TCF25: variants seen among roughly 807,000 people sequenced by gnomAD.
The protein encoded by TCF25 is ribosome quality control complex subunit TCF25.
In TCF25, 41 loss-of-function variants were observed where a neutral mutation model predicts 83.1. That is an observed-to-expected ratio of 0.49 (90% CI 0.38 to 0.64). The LOEUF (loss-of-function observed/expected upper bound fraction) is 0.64, where lower values mean the gene tolerates loss of function less well. Ranked by LOEUF, TCF25 falls within the 30% of genes least tolerant of loss-of-function variation. The probability of loss-of-function intolerance (pLI) is 0.00; values close to 1 mark genes in which losing one functional copy is unlikely to be tolerated. For missense variants in TCF25, 979 were observed against 914.5 expected (o/e 1.07, Z -0.91); for synonymous variants, 458 against 365.0 (o/e 1.25, Z -2.90).
chr16:89,908,798 CCAGCTCCCACCTCG>C (rs1292133482), intron 16 of TCF25, among the ~76,000 whole-genome samples: 11 of 140,008 alleles, frequency 7.9e-5, no homozygotes, highest in African/African-American at 2.5e-4. Flanking sequence ...TTTCCACCTC[CCAGCTCCCACCTCG>C]CAGCTCCCAG....
At position 89,885,097 on chromosome 16, in the gene TCF25, CCTGACG is replaced by C. The variant is rs1373532792; in HGVS notation, c.429+443_429+448del. On this transcript the variant is annotated intron_variant, in intron 3 of 17. Coordinates refer to ENST00000263346, the MANE Select transcript of TCF25 (RefSeq NM_014972.3). The stretch of plus-strand genomic sequence containing the variant: ...CTCTGCCTGACGCCCTCTCCCTCTG[CCTGACG>C]CCCTCTCCCTCTGCCTGACGCTCTC... 4.5e-4 allele frequency among the ~76,000 whole-genome samples: 67 copies of C among 147,566 alleles called. 1 individual carries two copies. Among genetic ancestry groups the C allele is most frequent in the Middle Eastern group, 7.1e-3 (2 of 280 alleles).
chr16:89,878,701 C>A (rs575493721), intron 1 of TCF25: 112 of 1,008,314 alleles, frequency 1.1e-4, no homozygotes, highest in Non-Finnish European at 1.3e-4. Flanking sequence ...AGTGCAGTGG[C>A]ACCATCTCAG....
At chr16:89,876,402 G>A (rs913917367) in intron 1 of TCF25, among the ~76,000 whole-genome samples, 3 of 152,168 alleles carry the variant, frequency 2.0e-5, no homozygotes, top group Non-Finnish European at 4.4e-5. Flanking sequence ...TGAATGCATT[G>A]GTGAGAGACA....
At chr16:89,896,491 T>A (rs1489028912) in intron 9 of TCF25, among the ~76,000 whole-genome samples, 2 of 151,844 alleles carry the variant, frequency 1.3e-5, no homozygotes, top group Non-Finnish European at 2.9e-5. Context: ...GAGGGTTGCT[T>A]GAGCCCAGGT....
intron 9 of TCF25, among the ~76,000 whole-genome samples, chr16:89,898,093 A>G (rs2044005485): frequency 1.3e-5 from 2 of 151,306 alleles, no homozygotes; most frequent in Admixed American, 1.3e-4. Context: ...TGGGTGACAG[A>G]GCGAGACTCC....
intron 1 of TCF25, among the ~76,000 whole-genome samples, chr16:89,880,055 G>T (rs1456214642): frequency 6.6e-6 from 1 of 150,976 alleles, no homozygotes; most frequent in African/African-American, 2.4e-5. Context: ...ACACAGATGG[G>T]CTTCAGAGCC....
At chr16:89,894,874 A>G in intron 7 of TCF25, 164 bp from the exon 8 acceptor site, 1 of 534,472 alleles carries the variant, frequency 1.9e-6, no homozygotes, top group South Asian at 2.1e-5. Flanking sequence ...TGAACTCCTG[A>G]TATCAAGTGA....
chr16:89,904,786 G>A (rs1384984217), intron 13 of TCF25, 152 bp from the exon 14 acceptor site: 7 of 904,790 alleles, frequency 7.7e-6, no homozygotes, highest in Non-Finnish European at 1.1e-5. Context: ...CCAGCCCCAC[G>A]CCCTCAGGCC....
intron 11 of TCF25, among the ~76,000 whole-genome samples, 158 bp downstream of exon 11, chr16:89,899,030 C>T (rs1486174672): frequency 2.0e-5 from 3 of 152,218 alleles, no homozygotes; most frequent in African/African-American, 7.2e-5. Flanking sequence ...GTCTCCCTTG[C>T]CGCCTCTACG....
intron 17 of TCF25, 88 bp from the exon 18 acceptor site, chr16:89,910,992 T>A: frequency 6.4e-7 from 1 of 1,553,642 alleles, no homozygotes; most frequent in Non-Finnish European, 8.7e-7. Flanking sequence ...AAGGGCCACC[T>A]CGGGCTCCAC....
At chr16:89,899,013 C>T in intron 11 of TCF25, 141 bp downstream of exon 11, 1 of 799,886 alleles carries the variant, frequency 1.3e-6, no homozygotes, top group Non-Finnish European at 2.0e-6. Context: ...GTCCTCCTGC[C>T]TTGTTTGTCT....
chr16:89,873,776 G>A lies in TCF25; in HGVS notation c.109G>A (p.Glu37Lys). 6.2e-7 allele frequency: 1 copy of A among 1,610,360 alleles called. No homozygotes were observed. Among genetic ancestry groups the A allele is most frequent in the South Asian group, 1.1e-5 (1 of 90,674 alleles). ...CCGTGATGACGATGACGCGGAAGAA[G>A]AAGGGCCCAAGCGGGAGCTTGGTGT... ...DLRDDDDAEE[E>K]GPKRELGVRR... Residue 37 changes from glutamate (E) to lysine (K), a missense_variant, in exon 1 of 18, where the codon GAA becomes AAA. Physicochemically the swap from Glu to Lys is moderately conservative, Grantham distance 56. Transcript: ENST00000263346.
intron 15 of TCF25, 158 bp downstream of exon 15, chr16:89,906,442 C>T: frequency 1.5e-6 from 1 of 646,892 alleles, no homozygotes; most frequent in Non-Finnish European, 2.7e-6. Context: ...AGGGCTCCTC[C>T]TTTCCTGGCA....
At chr16:89,881,181 A>G (rs1281782553) in intron 1 of TCF25, among the ~76,000 whole-genome samples, 2 of 152,154 alleles carry the variant, frequency 1.3e-5, no homozygotes, top group African/African-American at 2.4e-5. Flanking sequence ...ACCGGCAAGC[A>G]CAGACCTGCC....
At chr16:89,908,175 T>C (rs1204689807) in intron 16 of TCF25, among the ~76,000 whole-genome samples, 292 of 64,480 alleles carry the variant, frequency 4.5e-3, no homozygotes, top group Middle Eastern at 0.042. Flanking sequence ...GCTCCCACCT[T>C]CCAGCTCCCG....
chr16:89,906,806 C>T (rs1237214828), intron 15 of TCF25, among the ~76,000 whole-genome samples: 1 of 152,146 alleles, frequency 6.6e-6, no homozygotes, highest in Non-Finnish European at 1.5e-5. Context: ...ACCGGCATGG[C>T]TGGCTTTGTC....
intron 1 of TCF25, chr16:89,874,918 GC>G (rs2042060525): frequency 6.6e-6 from 1 of 152,108 alleles, no homozygotes; most frequent in Non-Finnish European, 1.5e-5. Context: ...TTGGTTGACT[GC>G]CCTTCTCGCA....
intron 1 of TCF25, among the ~76,000 whole-genome samples, chr16:89,881,136 C>G (rs2042576069): frequency 6.6e-6 from 1 of 152,188 alleles, no homozygotes; most frequent in South Asian, 2.1e-4. Context: ...GTATCCTTGT[C>G]ATGTGGGAGC....
intron 1 of TCF25, among the ~76,000 whole-genome samples, chr16:89,880,466 C>G (rs1363453966): frequency 3.9e-5 from 6 of 152,162 alleles, no homozygotes; most frequent in African/African-American, 1.4e-4. Context: ...TGCCTGTAGT[C>G]CCAGTTACTC....
Sources: allele counts gnomAD v4.1 joint callset (sites outside exome capture counted in the v4.1 genomes callset), GRCh38; gene constraint gnomAD v4.1.1; transcripts MANE v1.5; gene names NCBI Gene and HGNC (gene_info 2026-07-23, HGNC 2026-07-21).